PAK3: variants seen among roughly 807,000 people sequenced by gnomAD.
The protein encoded by PAK3 is p21 (RAC1) activated kinase 3.
Under a neutral mutation model 41.0 loss-of-function variants are expected in PAK3, and 4 were observed. That is an observed-to-expected ratio of 0.10 (90% CI 0.05 to 0.22). The LOEUF (loss-of-function observed/expected upper bound fraction) is 0.22. PAK3 is among the 10% of genes least tolerant of loss of function. The pLI is 1.00. For synonymous variants in PAK3, 146 were observed against 139.6 expected (o/e 1.05, Z -0.32); for missense variants, 205 against 409.9 (o/e 0.50, Z 4.32).
intron 1 of PAK3, among the ~76,000 whole-genome samples, chrX:110,952,476 A>T (rs2090763959): frequency 9.0e-6 from 1 of 111,299 alleles, no homozygotes; most frequent in Non-Finnish European, 1.9e-5. Context: ...AATACTTGCT[A>T]ACTAAAGATT....
chrX:111,163,050 A>G lies in PAK3; in HGVS notation c.600+4A>G, dbSNP rs1453132137. 3 of 1,202,623 alleles carry G rather than the reference A, an allele frequency of 2.5e-6. No homozygotes were observed. The highest frequency in any genetic ancestry group is 3.4e-6 in the Non-Finnish European group (3 of 888,813). ...AAGACCAGAGCATACAAAATCAGTA[A>G]GTCACAAAGGACTATTTCCAAATGA... On this transcript the variant is annotated splice_donor_region_variant and intron_variant, in intron 9 of 17. Transcript: ENST00000372007.
At chrX:111,143,191 G>A (rs778135296) in intron 6 of PAK3, among the ~76,000 whole-genome samples, 1 of 110,954 alleles carries the variant, frequency 9.0e-6, no homozygotes, top group Non-Finnish European at 1.9e-5. Context: ...AAACCAGAGA[G>A]AAATTTACAT....
chrX:111,014,466 C>T (rs1336261436), intron 1 of PAK3, among the ~76,000 whole-genome samples: 1 of 111,396 alleles, frequency 9.0e-6, no homozygotes, highest in Non-Finnish European at 1.9e-5. Flanking sequence ...GCTCTGGGCC[C>T]CTTGCTCCTG....
intron 1 of PAK3, among the ~76,000 whole-genome samples, chrX:111,005,248 G>A (rs1232793519): frequency 1.9e-4 from 21 of 111,205 alleles, no homozygotes; most frequent in Non-Finnish European, 2.1e-4. Context: ...GGGGTGCGGA[G>A]GGTGGCGGAA....
intron 1 of PAK3, among the ~76,000 whole-genome samples, chrX:111,027,061 G>T (rs1341647303): frequency 9.0e-6 from 1 of 111,329 alleles, no homozygotes; most frequent in Non-Finnish European, 1.9e-5. Context: ...AGTGAGGAAA[G>T]GACACTCTAT....
At chrX:111,032,521 C>T (rs893969417) in intron 1 of PAK3, among the ~76,000 whole-genome samples, 1 of 111,594 alleles carries the variant, frequency 9.0e-6, no homozygotes, top group East Asian at 2.8e-4. Context: ...TGCATTTAAC[C>T]ATTCTTCTTC....
chrX:111,037,322 A>G (rs2092410264), intron 1 of PAK3, among the ~76,000 whole-genome samples: 1 of 111,900 alleles, frequency 8.9e-6, no homozygotes, highest in Non-Finnish European at 1.9e-5. Flanking sequence ...TGTTGTGGTG[A>G]CTATTTTTTA....
chrX:111,091,878 G>T (rs2092932092), upstream of PAK3, among the ~76,000 whole-genome samples: 1 of 111,890 alleles, frequency 8.9e-6, no homozygotes, highest in African/African-American at 3.3e-5. Context: ...CAAAGAGTGG[G>T]GACACTTTTT....
intron 1 of PAK3, among the ~76,000 whole-genome samples, chrX:111,022,363 C>A (rs184330428): frequency 9.4e-4 from 105 of 111,645 alleles, no homozygotes; most frequent in African/African-American, 3.3e-3. Flanking sequence ...AAGGGTTTGG[C>A]GACATATTTT....
chrX:111,144,187 T>TA (rs2093912433), intron 6 of PAK3, among the ~76,000 whole-genome samples: 1 of 111,935 alleles, frequency 8.9e-6, no homozygotes, highest in Non-Finnish European at 1.9e-5. Context: ...AACAGTTGGA[T>TA]ACAACCAAAC....
intron 1 of PAK3, among the ~76,000 whole-genome samples, chrX:111,021,306 C>T (rs751265465): frequency 8.9e-6 from 1 of 112,170 alleles, no homozygotes; most frequent in African/African-American, 3.2e-5. Context: ...GCTACCTCCA[C>T]CAGAGCAGCT....
At chrX:111,162,029 A>T (rs2094196836) in intron 8 of PAK3, among the ~76,000 whole-genome samples, 1 of 111,755 alleles carries the variant, frequency 8.9e-6, no homozygotes, top group African/African-American at 3.3e-5. Context: ...TTGTTATAAT[A>T]CAGATCGCTG....
chrX:110,982,093 AACCATC>A (rs2091457566), intron 1 of PAK3, among the ~76,000 whole-genome samples: 1 of 111,452 alleles, frequency 9.0e-6, no homozygotes, highest in Non-Finnish European at 1.9e-5. Flanking sequence ...AGTAAAAGGG[AACCATC>A]TAGTGGAAAG....
intron 1 of PAK3, among the ~76,000 whole-genome samples, chrX:110,969,865 A>C (rs752786805): frequency 2.7e-5 from 3 of 112,229 alleles, no homozygotes; most frequent in African/African-American, 9.7e-5. Context: ...TATAGCCAAA[A>C]ATCTTGCTGG....
chrX:111,126,922 C>T (rs1249629804), intron 5 of PAK3, among the ~76,000 whole-genome samples: 1 of 110,649 alleles, frequency 9.0e-6, no homozygotes, highest in Non-Finnish European at 1.9e-5. Flanking sequence ...TTCTTAGTAC[C>T]TCTTTGTCTC....
At chrX:110,961,671 C>T (rs2090980708) in intron 1 of PAK3, among the ~76,000 whole-genome samples, 1 of 111,849 alleles carries the variant, frequency 8.9e-6, no homozygotes, top group South Asian at 3.8e-4. Flanking sequence ...TAGCTACTGC[C>T]CTATGTCTCT....
At chrX:111,142,367 G>T (rs2093883978) in intron 6 of PAK3, among the ~76,000 whole-genome samples, 171 bp downstream of exon 6, 1 of 112,796 alleles carries the variant, frequency 8.9e-6, no homozygotes, top group Non-Finnish European at 1.9e-5. Context: ...GATGGCAACA[G>T]CATTGACCAA....
At chrX:111,209,636 C>T (rs941556852) in intron 16 of PAK3, among the ~76,000 whole-genome samples, 2 of 112,126 alleles carry the variant, frequency 1.8e-5, no homozygotes, top group Non-Finnish European at 3.8e-5. Flanking sequence ...ACCCTATCCT[C>T]TTTGTAAAGT....
At chrX:111,146,705 G>A (rs2093948567) in intron 6 of PAK3, 1 of 384,213 alleles carries the variant, frequency 2.6e-6, no homozygotes, top group Non-Finnish European at 4.5e-6. Context: ...CCAAACTCTG[G>A]AGGCCCACGT....
Sources: gnomAD v4.1 joint callset for allele counts (sites outside exome capture counted in the v4.1 genomes callset) on GRCh38, gnomAD v4.1.1 for gene constraint, MANE v1.5 for transcripts, NCBI Gene and HGNC (gene_info 2026-07-23, HGNC 2026-07-21) for gene names.